The following HTR7 variants were observed in gnomAD, a reference collection of about 807,000 sequenced individuals.
HTR7 encodes 5-HT-7.
A neutral mutation model predicts 34.0 loss-of-function variants in HTR7; 16 were observed. That is an observed-to-expected ratio of 0.47 (90% CI 0.32 to 0.71). The LOEUF (loss-of-function observed/expected upper bound fraction) is 0.71, where lower values mean the gene tolerates loss of function less well. Ranked by LOEUF, HTR7 falls within the 30% of genes least tolerant of loss-of-function variation. The probability of loss-of-function intolerance (pLI) is 0.04; values close to 1 mark genes in which losing one functional copy is unlikely to be tolerated. For missense variants in HTR7, 504 were observed against 625.5 expected (o/e 0.81, Z 2.07); for synonymous variants, 265 against 260.2 (o/e 1.02, Z -0.18).
intron 1 of HTR7, among the ~76,000 whole-genome samples, chr10:90,844,726 C>CA (rs71025328): frequency 0.011 from 420 of 39,472 alleles, 110 homozygotes; most frequent in Non-Finnish European, 0.015. Context: ...GACTCCGTCT[C>CA]AAAAAAAAAA....
chr10:90,854,482 G>T (rs1478074104), intron 1 of HTR7, among the ~76,000 whole-genome samples: 3 of 152,190 alleles, frequency 2.0e-5, no homozygotes, highest in African/African-American at 7.2e-5. Context: ...AAGTAGTTTG[G>T]TATTTGCTGG....
In HTR7 at chr10:90,756,565, A is replaced by T. The variant is rs552723457; in HGVS notation, c.540-6971T>A. On this transcript the variant is annotated intron_variant, in intron 1 of 3. Transcript: ENST00000336152. The stretch of plus-strand genomic sequence containing the variant: ...TATTCTGCCCTCAGCATTGAGGGAG[A>T]GAAGTAGATAAAAGAGAGAGGGGGG... 4.6e-5 allele frequency among the ~76,000 whole-genome samples: 7 copies of T among 152,300 alleles called. 1 individual carries two copies. In the South Asian group the frequency reaches 1.2e-3, roughly 27 times the overall value.
chr10:90,830,146 C>G (rs1197697364), intron 1 of HTR7, among the ~76,000 whole-genome samples: 1 of 152,142 alleles, frequency 6.6e-6, no homozygotes, highest in Non-Finnish European at 1.5e-5. Flanking sequence ...CAATAGCGAA[C>G]CTCAGTAATC....
intron 1 of HTR7, among the ~76,000 whole-genome samples, chr10:90,799,432 C>G (rs1216759744): frequency 6.6e-6 from 1 of 152,132 alleles, no homozygotes; most frequent in Non-Finnish European, 1.5e-5. Flanking sequence ...AGCCAATGCT[C>G]CTGAGAAATA....
At chr10:90,833,453 C>A (rs1846208611) in intron 1 of HTR7, among the ~76,000 whole-genome samples, 1 of 152,114 alleles carries the variant, frequency 6.6e-6, no homozygotes, top group African/African-American at 2.4e-5. Flanking sequence ...CTAAGCCTTT[C>A]CTTATTTGTA....
chr10:90,801,841 T>A (rs1435433001), intron 1 of HTR7, among the ~76,000 whole-genome samples: 1 of 152,160 alleles, frequency 6.6e-6, no homozygotes, highest in Non-Finnish European at 1.5e-5. Context: ...TGTCTCAAAG[T>A]TTTGATTATT....
At chr10:90,774,564 A>T (rs1169265830) in intron 1 of HTR7, among the ~76,000 whole-genome samples, 1 of 152,060 alleles carries the variant, frequency 6.6e-6, no homozygotes, top group Non-Finnish European at 1.5e-5. Flanking sequence ...TGCTGGAAAA[A>T]TTTTTCAGAA....
At chr10:90,833,613 G>A (rs967911528) in intron 1 of HTR7, among the ~76,000 whole-genome samples, 6 of 152,172 alleles carry the variant, frequency 3.9e-5, no homozygotes, top group African/African-American at 1.4e-4. Context: ...TTGGGGAGTT[G>A]TTAATGGCTT....
intron 1 of HTR7, among the ~76,000 whole-genome samples, chr10:90,853,688 G>C (rs1191082392): frequency 6.6e-6 from 1 of 152,036 alleles, no homozygotes; most frequent in Non-Finnish European, 1.5e-5. Context: ...TCTATATCTT[G>C]ATTAGAACAT....
intron 1 of HTR7, among the ~76,000 whole-genome samples, chr10:90,819,229 T>G (rs1176225503): frequency 2.6e-5 from 4 of 152,196 alleles, no homozygotes; most frequent in Non-Finnish European, 5.9e-5. Context: ...CTCTAAAAAT[T>G]CACTCAAAAT....
At chr10:90,804,053 A>G (rs1845667770) in intron 1 of HTR7, among the ~76,000 whole-genome samples, 1 of 152,192 alleles carries the variant, frequency 6.6e-6, no homozygotes, top group Non-Finnish European at 1.5e-5. Flanking sequence ...AAAGAGAACA[A>G]GCAACTGAAT....
At position 90,857,675 on chromosome 10, in the gene HTR7, G is replaced by T. The variant is rs1351574166; in HGVS notation, c.-4C>A. On this transcript the variant is annotated 5_prime_UTR_variant, in exon 1 of 4. Transcript: ENST00000336152. This position sits in a 1 kb window ranked among gnomAD's most constrained non-coding sequence, Gnocchi z 6.5. ...CGCTGCTGTTAACGTCCATCATCGC[G>T]CCGCCGTGTGCCGCTGCCCATGGAG... The T allele has an allele frequency of 3.3e-6, 5 of 1,533,584 alleles. No homozygotes were observed. The highest frequency in any genetic ancestry group is 4.3e-6 in the Non-Finnish European group (5 of 1,151,872). The allele number at this position is 1,533,584 out of a possible 1,614,324, so 95.0% of individuals were successfully genotyped here.
At chr10:90,849,586 A>C (rs1846464034) in intron 1 of HTR7, among the ~76,000 whole-genome samples, 1 of 152,220 alleles carries the variant, frequency 6.6e-6, no homozygotes, top group African/African-American at 2.4e-5. Context: ...TTGAGGAGTG[A>C]GGCAGGGACA....
At position 90,743,626 on chromosome 10, in the gene HTR7, G is replaced by C. The variant is rs759201166; in HGVS notation, c.1360C>G (p.Leu454Val). 3.7e-6 allele frequency: 6 copies of C among 1,613,966 alleles called. No individual in the cohort carries two copies. In the East Asian group the frequency reaches 8.9e-5, roughly 24 times the overall value. The change falls in exon 3 of 4, where the codon CTA (leucine) becomes GTA (valine). Residue 454 changes from leucine (L) to valine (V), a missense_variant. Around this residue, in one of 4 missense-constraint regions of HTR7, gnomAD observed 154 missense variants for 212.1 expected, o/e 0.73. Coordinates refer to ENST00000336152, the MANE Select transcript of HTR7 (RefSeq NM_019859.4). ...EKRPPVSVWV[L>V]QSPDHHNWLA... is the part of the protein sequence containing the mutation. ...CAATTGTGATGGTCTGGAGATTGTAGCACCCACACAGATACCGGTGGCCTC... is the reference window on the plus strand; with the variant it reads ...CAATTGTGATGGTCTGGAGATTGTACCACCCACACAGATACCGGTGGCCTC...
intron 1 of HTR7, among the ~76,000 whole-genome samples, chr10:90,788,135 A>G (rs1340625461): frequency 6.6e-6 from 1 of 152,094 alleles, no homozygotes; most frequent in East Asian, 1.9e-4. Context: ...CCATTATGGA[A>G]TGGTTGACAG....
intron 1 of HTR7, among the ~76,000 whole-genome samples, chr10:90,842,017 AAACAAC>A (rs139561779): frequency 0.14 from 21,442 of 151,918 alleles, 1,823 homozygotes; most frequent in East Asian, 0.2. Flanking sequence ...ACAAAAACAA[AAACAAC>A]AACAACAACA....
chr10:90,850,214 G>C (rs1490116909), intron 1 of HTR7, among the ~76,000 whole-genome samples: 1 of 152,242 alleles, frequency 6.6e-6, no homozygotes, highest in Non-Finnish European at 1.5e-5. Context: ...AAGAAGCCAT[G>C]CTTGATAGTC....
chr10:90,770,605 A>T (rs534282536), intron 1 of HTR7, among the ~76,000 whole-genome samples: 2 of 152,272 alleles, frequency 1.3e-5, no homozygotes, highest in South Asian at 4.1e-4. Flanking sequence ...GGGCACTGTC[A>T]CAGCCCAGCC....
rs936504913 is a variant in HTR7 at position 90,793,487 on chromosome 10, T to C, written c.540-43893A>G. ...ATATATATATATTTAGTATAGATAG[T>C]GAAAATAAATTTAATATTATTTTTA... On this transcript the variant is annotated intron_variant, in intron 1 of 3. Transcript: ENST00000336152. Among the ~76,000 whole-genome samples the C allele has an allele frequency of 2.8e-5, 4 of 144,944 alleles. No individual in the cohort carries two copies. In the East Asian group the frequency reaches 7.9e-4, roughly 29 times the overall value.
Sources: allele counts gnomAD v4.1 joint callset (sites outside exome capture counted in the v4.1 genomes callset), GRCh38; gene constraint gnomAD v4.1.1; regional missense constraint gnomAD v4.1.1; non-coding constraint Gnocchi (gnomAD v3.1); transcripts MANE v1.5; gene names NCBI Gene and HGNC (gene_info 2026-07-23, HGNC 2026-07-21).